NRG3: variants seen among roughly 807,000 people sequenced by gnomAD.
NRG3 encodes neuregulin 3, also known as pro-neuregulin-3, membrane-bound isoform.
A neutral mutation model predicts 66.9 loss-of-function variants in NRG3; 31 were observed. That is an observed-to-expected ratio of 0.46 (90% confidence interval 0.35 to 0.63). The LOEUF is 0.63. Among genes scored for constraint, NRG3 ranks in the 20% least tolerant of loss-of-function variants. The pLI is 0.00. For missense variants in NRG3, 910 were observed against 878.9 expected, an observed-to-expected ratio of 1.04 and a Z score of -0.45; for synonymous variants, 393 against 359.4, an observed-to-expected ratio of 1.09 and a Z score of -1.06.
At chr10:82,235,648 G>C (rs992276056) in intron 1 of NRG3, among the ~76,000 whole-genome samples, 1 of 152,014 alleles carries the variant, frequency 6.6e-6, no homozygotes, top group African/African-American at 2.4e-5. Flanking sequence ...TTTATCTCCC[G>C]TAGCACACAG....
At chr10:82,421,921 G>A (rs569084741) in intron 2 of NRG3, among the ~76,000 whole-genome samples, 94 of 152,008 alleles carry the variant, frequency 6.2e-4, no homozygotes, top group Middle Eastern at 3.4e-3. Context: ...AACTACTTTC[G>A]GTTCAACTTC....
Position 82,452,438 on chromosome 10 carries a change from A to C in NRG3, c.953+93570A>C, listed in dbSNP as rs546808957. On this transcript the variant is annotated intron_variant, in intron 2 of 8. Coordinates refer to ENST00000372141, the MANE Select transcript of NRG3 (RefSeq NM_001010848.4). ...CAATTTATTTCATTTTCTTCCGTTAAATTTATTCCTTGTGGTTTCTGTTAT... is the reference window on the plus strand; with the variant it reads ...CAATTTATTTCATTTTCTTCCGTTACATTTATTCCTTGTGGTTTCTGTTAT... Among the ~76,000 whole-genome samples the C allele has an allele frequency of 2.6e-5, 4 of 152,178 alleles. No individual in the cohort carries two copies. In the East Asian group the frequency reaches 7.7e-4, roughly 29 times the overall value.
intron 3 of NRG3, among the ~76,000 whole-genome samples, chr10:82,740,942 A>G (rs1378334816): frequency 2.0e-5 from 3 of 152,130 alleles, no homozygotes; most frequent in South Asian, 2.1e-4. Flanking sequence ...TTTGCCCCAA[A>G]TGTAGAAAAG....
At chr10:82,400,020 G>A (rs116333506) in intron 2 of NRG3, among the ~76,000 whole-genome samples, 386 of 152,256 alleles carry the variant, frequency 2.5e-3, no homozygotes, top group African/African-American at 8.8e-3. Context: ...TAAGGGAGAT[G>A]AATGGGAGAA....
intron 1 of NRG3, among the ~76,000 whole-genome samples, chr10:82,269,790 C>T (rs2078496488): frequency 6.6e-6 from 1 of 152,076 alleles, no homozygotes; most frequent in Non-Finnish European, 1.5e-5. Context: ...TGGGGTGAAT[C>T]CTGACAATTT....
chr10:82,610,048 T>C (rs948747052), intron 2 of NRG3, among the ~76,000 whole-genome samples: 2 of 152,178 alleles, frequency 1.3e-5, no homozygotes, highest in Non-Finnish European at 2.9e-5. Flanking sequence ...CACTTCCTGA[T>C]GGCTGCAGGG....
intron 3 of NRG3, among the ~76,000 whole-genome samples, chr10:82,817,510 T>C (rs1200539942): frequency 6.6e-6 from 1 of 152,196 alleles, no homozygotes; most frequent in African/African-American, 2.4e-5. Context: ...TTGCATAAAC[T>C]TGCTTTGTTT....
intron 2 of NRG3, among the ~76,000 whole-genome samples, chr10:82,516,156 G>GTA (rs1286353309): frequency 6.6e-6 from 1 of 152,048 alleles, no homozygotes; most frequent in Admixed American, 6.6e-5. Flanking sequence ...GTGTGTGTGT[G>GTA]TGTATGTGTG....
chr10:82,116,262 G>GA (rs964850762), intron 1 of NRG3, among the ~76,000 whole-genome samples: 46 of 151,864 alleles, frequency 3.0e-4, no homozygotes, highest in African/African-American at 7.7e-4. Context: ...TTTACCACAA[G>GA]AAAAAAACCC....
chr10:81,956,459 T>G (rs1331673875), intron 1 of NRG3, among the ~76,000 whole-genome samples: 1 of 152,206 alleles, frequency 6.6e-6, no homozygotes. Flanking sequence ...AGACATACCC[T>G]TAAACTTTGA....
At chr10:82,363,830 A>T (rs1019816616) in intron 2 of NRG3, among the ~76,000 whole-genome samples, 6 of 152,218 alleles carry the variant, frequency 3.9e-5, no homozygotes, top group African/African-American at 7.2e-5. Context: ...AAAATTTTTA[A>T]CAAGTATGAA....
intron 2 of NRG3, among the ~76,000 whole-genome samples, chr10:82,671,316 GAA>G (rs2053254317): frequency 6.6e-6 from 1 of 152,204 alleles, no homozygotes; most frequent in African/African-American, 2.4e-5. Context: ...CTCATTGGTT[GAA>G]ATATGTTAAT....
intron 4 of NRG3, among the ~76,000 whole-genome samples, chr10:82,914,203 G>A (rs1845610861): frequency 6.6e-6 from 1 of 151,372 alleles, no homozygotes; most frequent in Non-Finnish European, 1.5e-5. Context: ...TGCATGTTGT[G>A]TACTTTTTCA....
At chr10:82,353,674 C>T (rs1228517451) in intron 1 of NRG3, among the ~76,000 whole-genome samples, 1 of 152,136 alleles carries the variant, frequency 6.6e-6, no homozygotes, top group Non-Finnish European at 1.5e-5. Flanking sequence ...CCCTGTGGCC[C>T]CTAGTGATGG....
intron 1 of NRG3, among the ~76,000 whole-genome samples, chr10:82,255,106 T>C (rs2077655165): frequency 6.6e-6 from 1 of 152,188 alleles, no homozygotes; most frequent in African/African-American, 2.4e-5. Context: ...TATGTACCTT[T>C]GATAGGACAT....
At chr10:82,895,939 G>A (rs1279142021) in intron 4 of NRG3, among the ~76,000 whole-genome samples, 1 of 152,192 alleles carries the variant, frequency 6.6e-6, no homozygotes, top group East Asian at 1.9e-4. Flanking sequence ...TTAGGTTGTT[G>A]ATAGGATCGA....
intron 2 of NRG3, among the ~76,000 whole-genome samples, chr10:82,504,187 A>C (rs916293321): frequency 2.0e-5 from 3 of 152,200 alleles, no homozygotes; most frequent in Non-Finnish European, 4.4e-5. Context: ...TGTGCCCTTC[A>C]TGAATGATCA....
chr10:82,793,481 A>G (rs539899154), intron 3 of NRG3, among the ~76,000 whole-genome samples: 2 of 152,296 alleles, frequency 1.3e-5, no homozygotes, highest in East Asian at 1.9e-4. Flanking sequence ...GCTACCAGGA[A>G]CTAGAAATCT....
chr10:81,987,879 G>T (rs1050897504), intron 1 of NRG3, among the ~76,000 whole-genome samples: 1 of 152,042 alleles, frequency 6.6e-6, no homozygotes, highest in African/African-American at 2.4e-5. Flanking sequence ...GATATATTTC[G>T]TCCAGAGATT....
Sources: allele counts gnomAD v4.1 joint callset (sites outside exome capture counted in the v4.1 genomes callset), GRCh38; gene constraint gnomAD v4.1.1; transcripts MANE v1.5; gene names NCBI Gene and HGNC (gene_info 2026-07-23, HGNC 2026-07-21).